Variants in VAV2 observed in about 807,000 individuals in gnomAD.
The protein encoded by VAV2 is guanine nucleotide exchange factor VAV2.
VAV2 carries 67 observed loss-of-function variants against 132.5 expected under a neutral mutation model. That is an observed-to-expected ratio of 0.51 (90% CI 0.42 to 0.62). VAV2 has a LOEUF of 0.62. VAV2 is among the 20% of genes least tolerant of loss of function. The pLI is 0.00. For synonymous variants in VAV2, 492 were observed against 443.5 expected (o/e 1.11, Z -1.37); for missense variants, 938 against 1,153.6 (o/e 0.81, Z 2.71).
At chr9:133,952,602 CGGG>C (rs375054619) in intron 1 of VAV2, among the ~76,000 whole-genome samples, 1,943 of 125,376 alleles carry the variant, frequency 0.015, 24 homozygotes, top group Middle Eastern at 0.044. Flanking sequence ...GACTCTGTCT[CGGG>C]GAAAAAAAAA....
intron 7 of VAV2, among the ~76,000 whole-genome samples, chr9:133,808,400 T>C (rs576282188): frequency 6.6e-6 from 1 of 152,316 alleles, no homozygotes; most frequent in Admixed American, 6.5e-5. Flanking sequence ...ACACTGGCAG[T>C]TGGCAATGAA....
At position 133,802,392 on chromosome 9, in the gene VAV2, CA is replaced by C. The variant is rs1186778464; in HGVS notation, c.836+3688del. 2.6e-5 allele frequency among the ~76,000 whole-genome samples: 4 copies of C among 151,442 alleles called. No homozygotes were observed. The highest frequency in any genetic ancestry group is 1.3e-4 in the Admixed American group (2 of 15,194). ...TTCCTGGTCTGGTTGGAGCACCTCC[CA>C]GGGGCAGCCTCCCCCTCCCCCGCCC... On this transcript the variant is annotated intron_variant, in intron 9 of 29. Transcript: ENST00000371850. This position sits in a 1 kb window ranked among gnomAD's most constrained non-coding sequence, Gnocchi z 5.8.
In VAV2 at chr9:133,939,183, C is replaced by T; in HGVS notation, c.241G>A (p.Val81Ile). The change falls in exon 2 of 30, where the codon GTC (valine) becomes ATC (isoleucine). Residue 81 changes from valine (V) to isoleucine (I), a missense_variant. Physicochemically the swap from Val to Ile is conservative, Grantham distance 29. Coordinates refer to ENST00000371850, the MANE Select transcript of VAV2 (RefSeq NM_001134398.2). ...CLKNIRTFLK[V>I]CHDKFGLRNS... ...CTTAATCCAAATTTATCGTGGCAGA[C>T]TTTCAGGAAGGTGCGTATGTTCTTC... is the stretch of plus-strand genomic sequence containing the variant. The T allele has an allele frequency of 2.5e-6, 4 of 1,614,212 alleles. No individual in the cohort carries two copies. In the South Asian group the frequency reaches 4.4e-5, roughly 18 times the overall value.
intron 3 of VAV2, among the ~76,000 whole-genome samples, chr9:133,838,057 C>G (rs972657291): frequency 6.6e-6 from 1 of 152,274 alleles, no homozygotes; most frequent in East Asian, 1.9e-4. Flanking sequence ...ACGGCCTCAG[C>G]GCCTGGCCGC....
intron 1 of VAV2, among the ~76,000 whole-genome samples, chr9:133,956,805 C>T (rs1040473509): frequency 1.3e-5 from 2 of 152,188 alleles, no homozygotes; most frequent in African/African-American, 2.4e-5. Flanking sequence ...CCCACCCAGG[C>T]GGGAGCCCAG....
intron 7 of VAV2, 43 bp downstream of exon 7, chr9:133,808,997 C>T (rs757789115): frequency 1.3e-5 from 21 of 1,579,822 alleles, no homozygotes; most frequent in East Asian, 2.2e-5. Flanking sequence ...GCAGTGACCA[C>T]AGTGGCCGCT....
intron 25 of VAV2, among the ~76,000 whole-genome samples, chr9:133,772,460 C>A (rs1039415679): frequency 2.0e-5 from 3 of 152,210 alleles, no homozygotes; most frequent in Non-Finnish European, 4.4e-5. Context: ...CTCGGGCCTG[C>A]TCCTCAGAGG....
At chr9:133,845,220 G>A (rs1177796436) in intron 3 of VAV2, among the ~76,000 whole-genome samples, 1 of 152,260 alleles carries the variant, frequency 6.6e-6, no homozygotes, top group African/African-American at 2.4e-5. Flanking sequence ...AGGCAGAAGC[G>A]TGGACGCGCT....
At chr9:133,825,497 G>T (rs531790353) in intron 4 of VAV2, among the ~76,000 whole-genome samples, 1 of 152,252 alleles carries the variant, frequency 6.6e-6, no homozygotes, top group East Asian at 1.9e-4. Context: ...GTCCCCTTTG[G>T]AAAAACAATC....
rs987015414 is a variant in VAV2 at position 133,794,708 on chromosome 9, G to A, written c.1101+960C>T. Among the ~76,000 whole-genome samples, 1 of 152,184 alleles carries A rather than the reference G, an allele frequency of 6.6e-6. No homozygotes were observed. Among genetic ancestry groups the A allele is most frequent in the African/African-American group, 2.4e-5 (1 of 41,440 alleles). ...GTGCTCCCGACGAGGGAGATGTGGG[G>A]GGGGTCGTCATCCCTCCACCCAGAT... On this transcript the variant is annotated intron_variant, in intron 12 of 29. Coordinates refer to ENST00000371850, the MANE Select transcript of VAV2 (RefSeq NM_001134398.2). This position sits in a 1 kb window ranked among gnomAD's most constrained non-coding sequence, Gnocchi z 4.6.
intron 1 of VAV2, among the ~76,000 whole-genome samples, chr9:133,959,171 C>T (rs1841887907): frequency 6.6e-6 from 1 of 152,168 alleles, no homozygotes. Context: ...AGAGATGGTC[C>T]CACTGCCACC....
At position 133,992,159 on chromosome 9, in the gene VAV2, C is replaced by T. The variant is rs1331075007; in HGVS notation, c.120G>A (p.Gly40=). The T allele has an allele frequency of 1.3e-6, 2 of 1,598,684 alleles. No homozygotes were observed. Among genetic ancestry groups the T allele is most frequent in the Non-Finnish European group, 1.7e-6 (2 of 1,173,100 alleles). ...VFDLAQALRD[G]VLLCQLLHNL... is the part of the protein sequence containing the mutation. ...TGTGCAGCAGCTGGCACAGAAGGAC[C>T]CCGTCGCGCAGCGCCTGCGCCAGGT... The change falls in exon 1 of 30, where the codon GGG becomes GGA. Residue 40 remains glycine, a synonymous_variant. Coordinates refer to ENST00000371850, the MANE Select transcript of VAV2 (RefSeq NM_001134398.2). This position sits in a 1 kb window ranked among gnomAD's most constrained non-coding sequence, Gnocchi z 5.5.
chr9:133,915,657 GACGCACAC>G (rs1840049255), intron 2 of VAV2, among the ~76,000 whole-genome samples: 1 of 149,064 alleles, frequency 6.7e-6, no homozygotes, highest in African/African-American at 2.5e-5. Flanking sequence ...ACATGTACAC[GACGCACAC>G]ATGCACACAC....
At chr9:133,988,308 C>T (rs1465782876) in intron 1 of VAV2, among the ~76,000 whole-genome samples, 3 of 152,130 alleles carry the variant, frequency 2.0e-5, no homozygotes, top group Admixed American at 6.5e-5. Flanking sequence ...AGGGACATCC[C>T]TCAGAAAGTC....
chr9:133,817,117 A>G lies in VAV2; in HGVS notation c.450-4901T>C, dbSNP rs187289352. On this transcript the variant is annotated intron_variant, in intron 4 of 29. Coordinates refer to ENST00000371850, the MANE Select transcript of VAV2 (RefSeq NM_001134398.2). Reference sequence around the variant, plus strand: ...CGATAACATCTTCCAATCCATAAACATAGTATATACTTTATTTAAGTCTTC... The same window carrying G: ...CGATAACATCTTCCAATCCATAAACGTAGTATATACTTTATTTAAGTCTTC... 2.2e-3 allele frequency among the ~76,000 whole-genome samples: 338 copies of G among 152,356 alleles called. 2 individuals are homozygous for G. Among genetic ancestry groups the G allele is most frequent in the African/African-American group, 7.6e-3 (314 of 41,580 alleles).
intron 20 of VAV2, 51 bp from the exon 21 acceptor site, chr9:133,779,990 T>C: frequency 1.2e-6 from 2 of 1,609,068 alleles, no homozygotes; most frequent in East Asian, 2.2e-5. Flanking sequence ...GCTCTTTGAC[T>C]GTGGCCCATG....
At chr9:133,859,946 T>C (rs1837532834) in intron 3 of VAV2, among the ~76,000 whole-genome samples, 1 of 152,240 alleles carries the variant, frequency 6.6e-6, no homozygotes, top group African/African-American at 2.4e-5. Context: ...TTTTGACTGC[T>C]ATTCTTTATG....
rs146608295 is a variant in VAV2 at position 133,823,731 on chromosome 9, C to T, written c.449+10541G>A. ...TGTCTTTAAAGCTGCCCTTCTGCGCCGGTCCCCTCCCTCTGCAGAGACTGC... is the reference window on the plus strand; with the variant it reads ...TGTCTTTAAAGCTGCCCTTCTGCGCTGGTCCCCTCCCTCTGCAGAGACTGC... On this transcript the variant is annotated intron_variant, in intron 4 of 29. Transcript: ENST00000371850. This position sits in a 1 kb window ranked among gnomAD's most constrained non-coding sequence, Gnocchi z 5.5. Among the ~76,000 whole-genome samples, 80 of 152,314 alleles carry T rather than the reference C, an allele frequency of 5.3e-4. No homozygotes were observed. Among genetic ancestry groups the T allele is most frequent in the Middle Eastern group, 6.8e-3 (2 of 294 alleles).
intron 2 of VAV2, among the ~76,000 whole-genome samples, chr9:133,930,376 T>TCCAC (rs1840638948): frequency 6.7e-6 from 1 of 149,812 alleles, no homozygotes; most frequent in Non-Finnish European, 1.5e-5. Context: ...CCTCCCTGCC[T>TCCAC]CCTTGCTGCC....
Sources: allele counts gnomAD v4.1 joint callset (sites outside exome capture counted in the v4.1 genomes callset), GRCh38; gene constraint gnomAD v4.1.1; non-coding constraint Gnocchi (gnomAD v3.1); transcripts MANE v1.5; gene names NCBI Gene and HGNC (gene_info 2026-07-23, HGNC 2026-07-21).